CDH12: variants seen among roughly 807,000 people sequenced by gnomAD.
The protein encoded by CDH12 is cadherin 12, also known as cadherin-12.
In CDH12, 41 loss-of-function variants were observed where a neutral mutation model predicts 74.1. The ratio of observed to expected loss-of-function variants is 0.55; its 90% CI spans 0.43 to 0.72. CDH12 has a LOEUF of 0.72. Among genes scored for constraint, CDH12 ranks in the 30% least tolerant of loss-of-function variants. The pLI, the probability that CDH12 is intolerant of heterozygous loss-of-function variation, is 0.00. For synonymous variants in CDH12, 399 were observed against 355.0 expected, an observed-to-expected ratio of 1.12 and a Z score of -1.39; for missense variants, 945 against 977.2, an observed-to-expected ratio of 0.97 and a Z score of 0.44.
intron 6 of CDH12, among the ~76,000 whole-genome samples, chr5:21,887,688 C>A (rs535745149): frequency 1.3e-5 from 2 of 152,230 alleles, no homozygotes; most frequent in East Asian, 3.9e-4. Context: ...TTTTGAGTAG[C>A]CCTCCAGGTC....
intron 10 of CDH12, among the ~76,000 whole-genome samples, chr5:21,784,404 AAT>A (rs1178852674): frequency 6.6e-6 from 1 of 152,152 alleles, no homozygotes; most frequent in African/African-American, 2.4e-5. Context: ...TAGTATTATT[AAT>A]ATGTCTTACA....
At position 22,582,094 on chromosome 5, in the gene CDH12, C is replaced by G. The variant is rs543531135; in HGVS notation, c.-522-76730G>C. Among the ~76,000 whole-genome samples the G allele has an allele frequency of 2.5e-4, 38 of 152,028 alleles. No individual in the cohort carries two copies. In the South Asian group the frequency reaches 3.1e-3, roughly 12 times the overall value. ...TACCCTCTGGCCCCAAATCAAATAC[C>G]CTCATATGTCAGACTTTGGGAGCAT... On this transcript the variant is annotated intron_variant, in intron 1 of 14. Transcript: ENST00000382254.
intron 9 of CDH12, among the ~76,000 whole-genome samples, chr5:21,810,845 T>A (rs1747708095): frequency 6.6e-6 from 1 of 152,160 alleles, no homozygotes; most frequent in African/African-American, 2.4e-5. Flanking sequence ...TGTAAAATAT[T>A]CCAAATTTTA....
At chr5:22,841,412 A>G (rs956691327) in intron 1 of CDH12, among the ~76,000 whole-genome samples, 1 of 152,190 alleles carries the variant, frequency 6.6e-6, no homozygotes, top group African/African-American at 2.4e-5. Flanking sequence ...GTGAAGACCT[A>G]TAATTCATTT....
At chr5:22,494,677 A>T (rs189373518) in intron 2 of CDH12, among the ~76,000 whole-genome samples, 12 of 152,142 alleles carry the variant, frequency 7.9e-5, no homozygotes, top group Non-Finnish European at 1.8e-4. Flanking sequence ...GTTTCCAAGA[A>T]CCTATTGATG....
intron 3 of CDH12, among the ~76,000 whole-genome samples, chr5:22,341,219 A>T (rs935046401): frequency 1.3e-5 from 2 of 152,226 alleles, no homozygotes; most frequent in Non-Finnish European, 2.9e-5. Context: ...TGGTCAGGCC[A>T]GGTGCAGTAC....
intron 4 of CDH12, among the ~76,000 whole-genome samples, chr5:22,102,613 C>A (rs544644875): frequency 6.6e-4 from 101 of 152,058 alleles, no homozygotes; most frequent in African/African-American, 2.2e-3. Flanking sequence ...AGGTTGCAGT[C>A]ATCGCGTCAC....
intron 3 of CDH12, among the ~76,000 whole-genome samples, chr5:22,377,763 C>A (rs1741596248): frequency 1.3e-5 from 2 of 152,092 alleles, no homozygotes; most frequent in Admixed American, 1.3e-4. Context: ...TGTATCATAT[C>A]TTTTTAAAGC....
intron 1 of CDH12, among the ~76,000 whole-genome samples, chr5:22,690,774 A>G (rs886321889): frequency 6.6e-5 from 10 of 152,186 alleles, no homozygotes; most frequent in Admixed American, 6.5e-4. Flanking sequence ...ATTTCTGATT[A>G]AAAATCACTA....
Position 21,966,938 on chromosome 5 carries a change from T to C in CDH12, c.526+8153A>G, listed in dbSNP as rs138745532. 3.5e-3 allele frequency among the ~76,000 whole-genome samples: 533 copies of C among 152,216 alleles called. 4 individuals carry two copies. The highest frequency in any genetic ancestry group is 0.012 in the African/African-American group (497 of 41,520). ...CAGAGGTTCCAAGTCTTTCATCATG[T>C]TTGGGTTAAAGGCCTCATTAACATA... is the stretch of plus-strand genomic sequence containing the variant. On this transcript the variant is annotated intron_variant, in intron 6 of 14. Transcript: ENST00000382254.
rs893985773 is a variant in CDH12 at position 22,531,450 on chromosome 5, G to A, written c.-522-26086C>T. Reference sequence around the variant, plus strand: ...AATACTTTAAATTCAGATGTGTATTGTAGCTACCACATTTATAAATATATC... The same window carrying A: ...AATACTTTAAATTCAGATGTGTATTATAGCTACCACATTTATAAATATATC... On this transcript the variant is annotated intron_variant, in intron 1 of 14. Coordinates refer to ENST00000382254, the MANE Select transcript of CDH12 (RefSeq NM_004061.5). Among the ~76,000 whole-genome samples the A allele has an allele frequency of 3.3e-5, 5 of 152,034 alleles. No individual in the cohort carries two copies. In the East Asian group the frequency reaches 9.6e-4, roughly 29 times the overall value.
chr5:21,962,840 G>C (rs551395234), intron 6 of CDH12, among the ~76,000 whole-genome samples: 5 of 152,226 alleles, frequency 3.3e-5, no homozygotes, highest in African/African-American at 4.8e-5. Flanking sequence ...CCTGTGGCTA[G>C]TCAGTAACCC....
At chr5:22,017,624 G>A (rs1428650118) in intron 5 of CDH12, among the ~76,000 whole-genome samples, 1 of 152,124 alleles carries the variant, frequency 6.6e-6, no homozygotes, top group African/African-American at 2.4e-5. Context: ...ATTGAATGAA[G>A]AAGATGTAAA....
Position 21,825,162 on chromosome 5 carries a change from A to T in CDH12, c.815-8030T>A, listed in dbSNP as rs867190172. On this transcript the variant is annotated intron_variant, in intron 8 of 14. Transcript: ENST00000382254. ...AGTGAGACTCTATCTCAAAAAAAAA[A>T]AAAAAAGAAAAAAAACTAACAAAAT... Among the ~76,000 whole-genome samples, 1,057 of 151,932 alleles carry T rather than the reference A, an allele frequency of 7.0e-3. 12 individuals carry two copies. Among genetic ancestry groups the T allele is most frequent in the African/African-American group, 0.022 (922 of 41,466 alleles).
chr5:21,889,777 C>T (rs974422857), intron 6 of CDH12: 1 of 984,512 alleles, frequency 1.0e-6, no homozygotes, highest in Admixed American at 6.2e-5. Flanking sequence ...GTAACCATGT[C>T]CATAAAAGCA....
intron 5 of CDH12, among the ~76,000 whole-genome samples, chr5:22,002,567 G>A (rs907324910): frequency 6.6e-6 from 1 of 151,992 alleles, no homozygotes; most frequent in African/African-American, 2.4e-5. Flanking sequence ...CAAATTGTCT[G>A]GTTTTAATTT....
In CDH12 at chr5:21,840,358, T is replaced by C. The variant is rs2149983374; in HGVS notation, c.814+1803A>G. 2.0e-5 allele frequency among the ~76,000 whole-genome samples: 3 copies of C among 152,230 alleles called. No homozygotes were observed. In the East Asian group the frequency reaches 5.8e-4, roughly 29 times the overall value. ...AGCATAAGACCAATACTTCAACTAT[T>C]GGCTCACTATTTTTTACTAAAGTAA... is the stretch of plus-strand genomic sequence containing the variant. On this transcript the variant is annotated intron_variant, in intron 8 of 14. Transcript: ENST00000382254.
intron 3 of CDH12, among the ~76,000 whole-genome samples, chr5:22,291,796 T>A (rs1225193392): frequency 3.9e-5 from 6 of 152,134 alleles, no homozygotes; most frequent in African/African-American, 1.4e-4. Context: ...TCTACAAATT[T>A]AATGCAATTC....
At chr5:22,430,673 T>C (rs1174584493) in intron 2 of CDH12, among the ~76,000 whole-genome samples, 1 of 152,126 alleles carries the variant, frequency 6.6e-6, no homozygotes, top group African/African-American at 2.4e-5. Flanking sequence ...AAATTGTTAC[T>C]AGGCAATTGG....
Sources: allele counts gnomAD v4.1 joint callset (sites outside exome capture counted in the v4.1 genomes callset), GRCh38; gene constraint gnomAD v4.1.1; transcripts MANE v1.5; gene names NCBI Gene and HGNC (gene_info 2026-07-23, HGNC 2026-07-21).